RAB11B: variants seen among roughly 807,000 people sequenced by gnomAD.
RAB11B encodes the protein RAB11B, member RAS oncogene family.
Under a neutral mutation model 23.7 loss-of-function variants are expected in RAB11B, and 7 were observed. The ratio of observed to expected loss-of-function variants is 0.29; its 90% CI spans 0.17 to 0.55. The LOEUF is 0.55. Ranked by LOEUF, RAB11B falls within the 20% of genes least tolerant of loss-of-function variation. The probability of loss-of-function intolerance (pLI) is 0.93; values close to 1 mark genes in which losing one functional copy is unlikely to be tolerated. For synonymous variants in RAB11B, 138 were observed against 132.0 expected (o/e 1.05, Z -0.31); for missense variants, 189 against 320.0 (o/e 0.59, Z 3.12).
chr19:8,402,437 C>T, intron 3 of RAB11B, 48 bp from the exon 4 acceptor site: 1 of 1,572,408 alleles, frequency 6.4e-7, no homozygotes, highest in Non-Finnish European at 8.7e-7. Context: ...CATGTGGGAG[C>T]CTGTCACCCT....
chr19:8,392,125 G>T (rs1971359941), intron 1 of RAB11B, among the ~76,000 whole-genome samples: 1 of 152,136 alleles, frequency 6.6e-6, no homozygotes, highest in Non-Finnish European at 1.5e-5. Context: ...CCGTGAGGCA[G>T]CTGCTCCCAG....
At chr19:8,398,649 A>G (rs1205221061) in intron 1 of RAB11B, among the ~76,000 whole-genome samples, 2 of 152,132 alleles carry the variant, frequency 1.3e-5, no homozygotes, top group Non-Finnish European at 2.9e-5. Flanking sequence ...CTGCACCAGG[A>G]GAGGTGGGGG....
intron 1 of RAB11B, among the ~76,000 whole-genome samples, chr19:8,393,390 GC>G (rs1971373221): frequency 6.6e-6 from 1 of 152,152 alleles, no homozygotes; most frequent in South Asian, 2.1e-4. Flanking sequence ...GGGGAAACGG[GC>G]CGCAGCTGCC....
rs369849901 is a variant in RAB11B at position 8,402,289 on chromosome 19, C to A, written c.430+10C>A. On this transcript the variant is annotated intron_variant, in intron 3 of 4. Transcript: ENST00000328024. ...GCCCGCGCCTTCGCAGGTGAGCAGA[C>A]GGAGACGCAGGCATCAGAGAGGTGT... 1.3e-6 allele frequency: 2 copies of A among 1,549,120 alleles called. No homozygotes were observed. Among genetic ancestry groups the A allele is most frequent in the South Asian group, 2.4e-5 (2 of 84,592 alleles).
In RAB11B at chr19:8,402,508, G is replaced by A. The variant is rs1393998917; in HGVS notation, c.454G>A (p.Glu152Lys). The change falls in exon 4 of 5, where the codon GAG (glutamate) becomes AAG (lysine). Residue 152 changes from glutamate to lysine, a missense_variant. Physicochemically the swap from Glu to Lys is moderately conservative, Grantham distance 56. Around this residue, in one of 5 missense-constraint regions of RAB11B, gnomAD observed 122 missense variants for 170.8 expected, o/e 0.71. Coordinates refer to ENST00000328024, the MANE Select transcript of RAB11B (RefSeq NM_004218.4). ...AGAAAAGAACAACTTGTCCTTCATC[G>A]AGACCTCAGCCTTGGATTCCACTAA... The part of the protein sequence containing the change: ...FAEKNNLSFI[E>K]TSALDSTNVE... 2 of 1,613,948 alleles carry A rather than the reference G, an allele frequency of 1.2e-6. No homozygotes were observed. The highest frequency in any genetic ancestry group is 1.7e-5 in the Admixed American group (1 of 60,004).
At chr19:8,399,328 T>TC (rs1971420278) in intron 1 of RAB11B, among the ~76,000 whole-genome samples, 1 of 152,170 alleles carries the variant, frequency 6.6e-6, no homozygotes, top group African/African-American at 2.4e-5. Flanking sequence ...CCTCAAGTGA[T>TC]CCGCCTGGCT....
chr19:8,395,925 G>A (rs1971393538), intron 1 of RAB11B, among the ~76,000 whole-genome samples: 1 of 152,152 alleles, frequency 6.6e-6, no homozygotes, highest in South Asian at 2.1e-4. Context: ...AATCCTGCCT[G>A]GCTCACTTCC....
At chr19:8,402,377 T>G in intron 3 of RAB11B, 98 bp downstream of exon 3, 1 of 1,540,424 alleles carries the variant, frequency 6.5e-7, no homozygotes, top group Non-Finnish European at 8.8e-7. Context: ...TTCCCTTCCC[T>G]GAGGAGTGGC....
chr19:8,390,912 G>A (rs1297311853), intron 1 of RAB11B, among the ~76,000 whole-genome samples: 2 of 150,650 alleles, frequency 1.3e-5, no homozygotes, highest in South Asian at 2.1e-4. Flanking sequence ...CTCTCACGAG[G>A]CTTGTCCTGA....
chr19:8,394,079 C>T (rs751470232), intron 1 of RAB11B, among the ~76,000 whole-genome samples: 2 of 152,200 alleles, frequency 1.3e-5, no homozygotes, highest in Non-Finnish European at 2.9e-5. Flanking sequence ...TTTTCATCCC[C>T]AGCCTGCATC....
chr19:8,401,370 C>G (rs10404380), intron 2 of RAB11B, among the ~76,000 whole-genome samples: 1 of 149,694 alleles, frequency 6.7e-6, no homozygotes. Flanking sequence ...GTGAGCGACC[C>G]TGCCTGGCCT....
chr19:8,392,468 G>C (rs1288860344), intron 1 of RAB11B, among the ~76,000 whole-genome samples: 3 of 151,586 alleles, frequency 2.0e-5, no homozygotes, highest in African/African-American at 7.3e-5. Context: ...GGGGTGGGGG[G>C]GGGCGGTGCC....
Position 8,399,777 on chromosome 19 carries a change from G to A in RAB11B, c.41-86G>A, listed in dbSNP as rs144863717. The stretch of plus-strand genomic sequence containing the variant: ...CCACACCGTTGGCAGCCGCGTTGGT[G>A]CAGCACCCAGGGAACCGGCGGGAAG... On this transcript the variant is annotated intron_variant, in intron 1 of 4. Coordinates refer to ENST00000328024, the MANE Select transcript of RAB11B (RefSeq NM_004218.4). 1.1e-5 allele frequency: 16 copies of A among 1,491,922 alleles called. No individual in the cohort carries two copies. The East Asian group carries it at 1.2e-4, about 11-fold the overall frequency. 92.4% of individuals were successfully genotyped at this position (1,491,922 alleles called of 1,614,324 possible).
chr19:8,392,685 C>CTTTTTTTTTTTTTTTTTT (rs74176644), intron 1 of RAB11B, among the ~76,000 whole-genome samples: 5 of 79,664 alleles, frequency 6.3e-5, no homozygotes, highest in African/African-American at 1.0e-4. Flanking sequence ...TTTTTCTTTT[C>CTTTTTTTTTTTTTTTTTT]TTTTTTTTTT....
intron 1 of RAB11B, among the ~76,000 whole-genome samples, chr19:8,395,733 C>T (rs920596052): frequency 2.6e-5 from 4 of 152,168 alleles, no homozygotes; most frequent in Non-Finnish European, 5.9e-5. Context: ...GTTTGCTGGC[C>T]GCCCCAGGGG....
At position 8,403,484 on chromosome 19, in the gene RAB11B, G is replaced by A. The variant is rs1971454639; in HGVS notation, c.583G>A (p.Val195Met). The part of the protein sequence containing the change: ...AAHDESPGNN[V>M]VDISVPPTTD... ...CCACGACGAGTCCCCGGGGAACAAC[G>A]TGGTGGACATCAGCGTGCCGCCCAC... The change falls in exon 5 of 5, where the codon GTG (valine) becomes ATG (methionine). Residue 195 changes from valine to methionine, a missense_variant. By Grantham distance (21) the Val-to-Met change is conservative (BLOSUM62 1). Coordinates refer to ENST00000328024, the MANE Select transcript of RAB11B (RefSeq NM_004218.4). 3 of 1,613,870 alleles carry A rather than the reference G, an allele frequency of 1.9e-6. No homozygotes were observed. The highest frequency in any genetic ancestry group is 1.1e-5 in the South Asian group (1 of 91,074).
rs1300524980 is a variant in RAB11B, at chr19:8,402,814, C to T, written c.511+249C>T. On this transcript the variant is annotated intron_variant, in intron 4 of 4. Transcript: ENST00000328024. ...AGTAGCTGGGATTACAGGTGCCTGCCACCACACCCGCTAATTTTTGTAATT... is the reference window on the plus strand; with the variant it reads ...AGTAGCTGGGATTACAGGTGCCTGCTACCACACCCGCTAATTTTTGTAATT... The T allele has an allele frequency of 5.3e-6, 3 of 570,314 alleles. No individual in the cohort carries two copies. The African/African-American group carries it at 5.7e-5, about 11-fold the overall frequency. 35.3% of individuals were successfully genotyped at this position (570,314 alleles called of 1,614,324 possible).
At chr19:8,390,700 A>G in intron 1 of RAB11B, 1 of 383,918 alleles carries the variant, frequency 2.6e-6, no homozygotes, top group Non-Finnish European at 4.5e-6. Flanking sequence ...GCGGGGCCAG[A>G]GCCTAGAGGG....
chr19:8,393,045 C>T (rs370679864), intron 1 of RAB11B, among the ~76,000 whole-genome samples: 5 of 151,000 alleles, frequency 3.3e-5, no homozygotes, highest in African/African-American at 9.8e-5. Context: ...TTGACTTCAG[C>T]GGCCAAGGCC....
Sources: gnomAD v4.1 joint callset for allele counts (sites outside exome capture counted in the v4.1 genomes callset) on GRCh38, gnomAD v4.1.1 for gene constraint, gnomAD v4.1.1 regional missense constraint, MANE v1.5 for transcripts, NCBI Gene and HGNC (gene_info 2026-07-23, HGNC 2026-07-21) for gene names.